SLC35A5: variants seen among roughly 807,000 people sequenced by gnomAD.
SLC35A5 encodes the protein UDP-sugar transporter protein SLC35A5.
SLC35A5 carries 28 observed loss-of-function variants against 36.3 expected under a neutral mutation model. The ratio of observed to expected loss-of-function variants is 0.77; its 90% CI spans 0.57 to 1.06. SLC35A5 has a LOEUF of 1.06. Among genes scored for constraint, SLC35A5 ranks in the 50% least tolerant of loss-of-function variants. SLC35A5 has a pLI of 0.00. For missense variants in SLC35A5, 521 were observed against 499.3 expected (o/e 1.04, Z -0.41); for synonymous variants, 180 against 173.7 (o/e 1.04, Z -0.29).
In SLC35A5 at chr3:112,584,388, G is replaced by A. The variant is rs1287227676; in HGVS notation, c.*1652G>A. 2.0e-5 allele frequency: 3 copies of A among 152,080 alleles called. No individual in the cohort carries two copies. Among genetic ancestry groups the A allele is most frequent in the Non-Finnish European group, 4.4e-5 (3 of 67,998 alleles). 9.4% of individuals were successfully genotyped at this position (152,080 alleles called of 1,614,324 possible). A position where few individuals can be genotyped will look rare whatever the true frequency, so the allele number is the denominator to read the frequency against. On this transcript the variant is annotated 3_prime_UTR_variant, in exon 7 of 7. Transcript: ENST00000492406. ...ATGAGGTACAGCAGGACCTTTCTAG[G>A]AAATGTGGCATACAAAACATTTTTA... is the stretch of plus-strand genomic sequence containing the variant.
chr3:112,568,843 A>T (rs758388314), intron 2 of SLC35A5, among the ~76,000 whole-genome samples: 1 of 152,172 alleles, frequency 6.6e-6, no homozygotes, highest in Non-Finnish European at 1.5e-5. Flanking sequence ...GTGTTGATTG[A>T]TGGTCAATTT....
Position 112,580,919 on chromosome 3 carries a change from A to T in SLC35A5, c.802A>T (p.Asn268Tyr), listed in dbSNP as rs1284960220. ...GCTCACTGAAAGCATCTTCATACAG[A>T]ACAGCAAACTCTATTTCTTTGGCAT... Reference protein sequence around the residue: ...NQLTESIFIQNSKLYFFGILF... With the variant: ...NQLTESIFIQYSKLYFFGILF... The change falls in exon 6 of 7, where the codon AAC (asparagine) becomes TAC (tyrosine). Residue 268 changes from asparagine (N) to tyrosine (Y), a missense_variant. Asn to Tyr is a moderately radical substitution (Grantham distance 143). Coordinates refer to ENST00000492406, the MANE Select transcript of SLC35A5 (RefSeq NM_017945.5). 6.2e-7 allele frequency: 1 copy of T among 1,614,172 alleles called. No individual in the cohort carries two copies. The highest frequency in any genetic ancestry group is 1.7e-5 in the Admixed American group (1 of 60,012).
upstream of SLC35A5, chr3:112,561,593 G>A: frequency 6.6e-7 from 1 of 1,521,822 alleles, no homozygotes; most frequent in Non-Finnish European, 8.9e-7. Flanking sequence ...CAGGGGCCAG[G>A]GAGTCAGAAA....
chr3:112,579,974 T>C (rs1934830623), intron 5 of SLC35A5, among the ~76,000 whole-genome samples: 1 of 152,186 alleles, frequency 6.6e-6, no homozygotes, highest in South Asian at 2.1e-4. Flanking sequence ...CTGCCCAAAA[T>C]AACATTTTTC....
At chr3:112,568,650 C>A (rs1044568758) in intron 2 of SLC35A5, among the ~76,000 whole-genome samples, 27 of 152,164 alleles carry the variant, frequency 1.8e-4, no homozygotes, top group African/African-American at 6.3e-4. Context: ...ACCATTTATC[C>A]CAGAGTGCCA....
chr3:112,580,997 A>G lies in SLC35A5; in HGVS notation c.880A>G (p.Lys294Glu). 2.5e-6 allele frequency: 4 copies of G among 1,614,154 alleles called. No individual in the cohort carries two copies. The highest frequency in any genetic ancestry group is 3.4e-6 in the Non-Finnish European group (4 of 1,179,982). ...TCAGAGGAGTAACCGTGATCAGATT[A>G]AGAACTGTGGATTTTTTTATGGCCA... ...GLQRSNRDQI[K>E]NCGFFYGHSA... Residue 294 changes from lysine to glutamate, a missense_variant, in exon 6 of 7, where the codon AAG becomes GAG. Lys to Glu is a moderately conservative substitution (Grantham distance 56, BLOSUM62 1). Coordinates refer to ENST00000492406, the MANE Select transcript of SLC35A5 (RefSeq NM_017945.5).
At chr3:112,569,034 A>T in intron 2 of SLC35A5, 137 bp from the exon 3 acceptor site, 3 of 663,470 alleles carry the variant, frequency 4.5e-6, no homozygotes, top group Non-Finnish European at 7.4e-6. Context: ...AATCCAAAGG[A>T]GCAAAGGCAA....
At chr3:112,575,999 A>G (rs1934653346) in intron 5 of SLC35A5, among the ~76,000 whole-genome samples, 1 of 152,026 alleles carries the variant, frequency 6.6e-6, no homozygotes, top group Non-Finnish European at 1.5e-5. Flanking sequence ...ACCTCAGGTG[A>G]TCTGCCCACC....
chr3:112,572,191 C>G (rs1468038630), intron 4 of SLC35A5, among the ~76,000 whole-genome samples: 12 of 151,378 alleles, frequency 7.9e-5, no homozygotes, highest in Admixed American at 3.3e-4. Context: ...ATCCACCCGC[C>G]TCGGCCTCCC....
Position 112,573,932 on chromosome 3 carries a change from C to G in SLC35A5, c.404C>G (p.Ala135Gly). The change falls in exon 5 of 7, where the codon GCT (alanine) becomes GGT (glycine). Residue 135 changes from alanine (A) to glycine (G), a missense_variant. Transcript: ENST00000492406. ...IFSNFSIITTALLFRIVLKRR... is the reference protein window; with the variant it reads ...IFSNFSIITTGLLFRIVLKRR... ...TCAAATTTTAGCATTATAACAACAG[C>G]TCTTCTATTCAGGATAGTGCTGAAG... 1 of 1,613,438 alleles carries G rather than the reference C, an allele frequency of 6.2e-7. No homozygotes were observed. Among genetic ancestry groups the G allele is most frequent in the Admixed American group, 1.7e-5 (1 of 60,012 alleles).
At chr3:112,574,956 G>A (rs945736987) in intron 5 of SLC35A5, among the ~76,000 whole-genome samples, 5 of 152,124 alleles carry the variant, frequency 3.3e-5, no homozygotes, top group Middle Eastern at 3.4e-3. Context: ...TTTGTTCTAC[G>A]TATCTGTCAA....
chr3:112,574,030 A>C, intron 5 of SLC35A5, 74 bp downstream of exon 5: 1 of 1,290,278 alleles, frequency 7.8e-7, no homozygotes, highest in Non-Finnish European at 1.1e-6. Flanking sequence ...TATACCCAGA[A>C]CACTGAGCCG....
Position 112,563,456 on chromosome 3 carries a change from A to G in SLC35A5, c.53A>G (p.Tyr18Cys), listed in dbSNP as rs1934037011. ...HPVICSLSTMYTFLLGAIFIA... is the reference protein window; with the variant it reads ...HPVICSLSTMCTFLLGAIFIA... ...GTAATATGCTCCTTGTCAACAATGT[A>G]TACATTCCTGCTAGGTGCCATATTC... The change falls in exon 2 of 7, where the codon TAT (tyrosine) becomes TGT (cysteine). Residue 18 changes from tyrosine (Y) to cysteine (C), a missense_variant. Tyr to Cys is a radical substitution (Grantham distance 194). Transcript: ENST00000492406. 1 of 1,605,116 alleles carries G rather than the reference A, an allele frequency of 6.2e-7. No homozygotes were observed. The highest frequency in any genetic ancestry group is 8.5e-7 in the Non-Finnish European group (1 of 1,173,110).
intron 1 of SLC35A5, among the ~76,000 whole-genome samples, chr3:112,562,703 C>T (rs1933981073): frequency 6.6e-6 from 1 of 152,124 alleles, no homozygotes; most frequent in Non-Finnish European, 1.5e-5. Flanking sequence ...CTTTTTCCTC[C>T]GAGGGAAAAG....
At chr3:112,573,477 A>T (rs1934539277) in intron 4 of SLC35A5, among the ~76,000 whole-genome samples, 1 of 152,230 alleles carries the variant, frequency 6.6e-6, no homozygotes, top group Non-Finnish European at 1.5e-5. Flanking sequence ...GCTTAAAAAA[A>T]TCTATACTTC....
intron 2 of SLC35A5, 31 bp from the exon 3 acceptor site, chr3:112,569,140 A>G (rs1302203855): frequency 2.0e-6 from 3 of 1,521,780 alleles, no homozygotes; most frequent in Middle Eastern, 1.7e-4. Flanking sequence ...AATAAAATAT[A>G]TAGTTAAAAA....
chr3:112,561,905 C>T (rs1933909750), upstream of SLC35A5: 3 of 243,604 alleles, frequency 1.2e-5, no homozygotes, highest in South Asian at 9.5e-5. Flanking sequence ...CTTCCGGCTT[C>T]CCTTCCTTCT....
intron 5 of SLC35A5, among the ~76,000 whole-genome samples, chr3:112,574,803 T>A (rs1934598465): frequency 6.6e-6 from 1 of 152,074 alleles, no homozygotes; most frequent in South Asian, 2.1e-4. Flanking sequence ...GAGTCCATGA[T>A]ATACTTAATA....
Position 112,582,920 on chromosome 3 carries a change from T to C in SLC35A5, c.*184T>C. On this transcript the variant is annotated 3_prime_UTR_variant, in exon 7 of 7. Coordinates refer to ENST00000492406, the MANE Select transcript of SLC35A5 (RefSeq NM_017945.5). ...AGAGTACCCAAAGGCTAAGAAATTC[T>C]AAAGAACTGATACAGGAGTAACAAT... 2 of 532,386 alleles carry C rather than the reference T, an allele frequency of 3.8e-6. No individual in the cohort carries two copies. Among genetic ancestry groups the C allele is most frequent in the South Asian group, 6.1e-5 (2 of 32,596 alleles). 33.0% of individuals were successfully genotyped at this position (532,386 alleles called of 1,614,324 possible). A position where few individuals can be genotyped will look rare whatever the true frequency, so the allele number is the denominator to read the frequency against.
Sources: gnomAD v4.1 joint callset for allele counts (sites outside exome capture counted in the v4.1 genomes callset) on GRCh38, gnomAD v4.1.1 for gene constraint, MANE v1.5 for transcripts, NCBI Gene and HGNC (gene_info 2026-07-23, HGNC 2026-07-21) for gene names.